Variants in PPP1R16B observed in about 807,000 individuals in gnomAD.
PPP1R16B encodes protein phosphatase 1 regulatory subunit 16B, also known as protein phosphatase 1 regulatory inhibitor subunit 16B.
In PPP1R16B, 14 loss-of-function variants were observed where a neutral mutation model predicts 61.7. That is an observed-to-expected ratio of 0.23 (90% confidence interval 0.15 to 0.35). PPP1R16B has a LOEUF of 0.35. Ranked by LOEUF, PPP1R16B falls within the 10% of genes least tolerant of loss-of-function variation. The probability of loss-of-function intolerance (pLI) is 1.00; values close to 1 mark genes in which losing one functional copy is unlikely to be tolerated. For missense variants in PPP1R16B, 547 were observed against 752.5 expected, an observed-to-expected ratio of 0.73 and a Z score of 3.19; for synonymous variants, 266 against 305.3, an observed-to-expected ratio of 0.87 and a Z score of 1.34.
chr20:38,851,251 G>A lies in PPP1R16B; in HGVS notation c.250+15076G>A, dbSNP rs971318930. Among the ~76,000 whole-genome samples the A allele has an allele frequency of 2.6e-5, 4 of 151,624 alleles. No homozygotes were observed. In the East Asian group the frequency reaches 7.8e-4, roughly 29 times the overall value. On this transcript the variant is annotated intron_variant, in intron 2 of 10. Coordinates refer to ENST00000299824, the MANE Select transcript of PPP1R16B (RefSeq NM_015568.4). ...AGGCCAAGGTGGGTGGATCACCAGA[G>A]GTCAGGAGTTCGAGACCAGCCTGGC...
At chr20:38,880,177 C>T (rs1470367529) in intron 2 of PPP1R16B, among the ~76,000 whole-genome samples, 2 of 152,100 alleles carry the variant, frequency 1.3e-5, no homozygotes, top group African/African-American at 2.4e-5. Context: ...ACTTTAGTGT[C>T]GTAAAGACAC....
intron 2 of PPP1R16B, among the ~76,000 whole-genome samples, chr20:38,868,417 C>T (rs1385907947): frequency 2.0e-5 from 3 of 151,544 alleles, no homozygotes; most frequent in Non-Finnish European, 4.4e-5. Flanking sequence ...CAGGGTCTCA[C>T]TCTGTCACCC....
At chr20:38,847,110 C>T (rs1185325666) in intron 2 of PPP1R16B, among the ~76,000 whole-genome samples, 1 of 152,110 alleles carries the variant, frequency 6.6e-6, no homozygotes, top group African/African-American at 2.4e-5. Context: ...CGATATAAAC[C>T]ACTCATTTGA....
In PPP1R16B at chr20:38,862,819, A is replaced by G. The variant is rs561625511; in HGVS notation, c.250+26644A>G. Among the ~76,000 whole-genome samples the G allele has an allele frequency of 1.9e-3, 287 of 152,296 alleles. 1 individual carries two copies. The highest frequency in any genetic ancestry group is 6.3e-3 in the African/African-American group (261 of 41,562). On this transcript the variant is annotated intron_variant, in intron 2 of 10. Transcript: ENST00000299824. ...TTCCCTGCTCTCCTGCCCACTCCAG[A>G]TTCCATCAGTTATGGCCTTTGGAGG...
At chr20:38,882,499 G>A (rs1237697578) in intron 2 of PPP1R16B, among the ~76,000 whole-genome samples, 1 of 152,144 alleles carries the variant, frequency 6.6e-6, no homozygotes, top group Non-Finnish European at 1.5e-5. Flanking sequence ...TACGGCCTCA[G>A]CCTCCCAAAG....
chr20:38,873,532 G>C (rs1486550634), intron 2 of PPP1R16B, among the ~76,000 whole-genome samples: 1 of 152,090 alleles, frequency 6.6e-6, no homozygotes, highest in Non-Finnish European at 1.5e-5. Context: ...TGGGCTCAGG[G>C]TCTCTCAGGA....
At chr20:38,869,235 T>C (rs2085110461) in intron 2 of PPP1R16B, among the ~76,000 whole-genome samples, 1 of 152,172 alleles carries the variant, frequency 6.6e-6, no homozygotes, top group African/African-American at 2.4e-5. Flanking sequence ...CTTGGCTCAC[T>C]GCAACCTCCA....
chr20:38,896,409 T>C (rs1034443529), intron 4 of PPP1R16B, among the ~76,000 whole-genome samples: 2 of 151,222 alleles, frequency 1.3e-5, no homozygotes, highest in African/African-American at 2.4e-5. Flanking sequence ...TCTTCATCTC[T>C]CTCTCTGCTT....
Position 38,921,380 on chromosome 20 carries a change from G to A in PPP1R16B, c.*2714G>A, listed in dbSNP as rs539164361. On this transcript the variant is annotated 3_prime_UTR_variant, in exon 11 of 11. Coordinates refer to ENST00000299824, the MANE Select transcript of PPP1R16B (RefSeq NM_015568.4). ...TACGTTAGGTTCTGCGGATAAAGGA[G>A]GAATAAGACAGAGTCAGGAGAACTG... is the stretch of plus-strand genomic sequence containing the variant. The A allele has an allele frequency of 1.3e-5, 2 of 152,380 alleles. No individual in the cohort carries two copies. Among genetic ancestry groups the A allele is most frequent in the East Asian group, 3.9e-4 (2 of 5,188 alleles). 9.4% of individuals were successfully genotyped at this position (152,380 alleles called of 1,614,324 possible).
intron 4 of PPP1R16B, among the ~76,000 whole-genome samples, chr20:38,896,242 C>T (rs1374749461): frequency 6.9e-6 from 1 of 144,382 alleles, no homozygotes; most frequent in Non-Finnish European, 1.5e-5. Flanking sequence ...ACCTGCCTCC[C>T]TCCCTCTCTC....
At chr20:38,887,593 A>G (rs933319693) in intron 2 of PPP1R16B, among the ~76,000 whole-genome samples, 3 of 152,374 alleles carry the variant, frequency 2.0e-5, no homozygotes, top group East Asian at 1.9e-4. Flanking sequence ...ACACTTTCCA[A>G]TATGGTAGCC....
intron 2 of PPP1R16B, among the ~76,000 whole-genome samples, chr20:38,848,148 T>C (rs2084946780): frequency 6.6e-6 from 1 of 152,222 alleles, no homozygotes; most frequent in Non-Finnish European, 1.5e-5. Context: ...AAATATTTAC[T>C]TTCTGGCCCT....
At chr20:38,905,920 A>G in intron 6 of PPP1R16B, 49 bp from the exon 7 acceptor site, 1 of 1,585,852 alleles carries the variant, frequency 6.3e-7, no homozygotes, top group Non-Finnish European at 8.6e-7. Flanking sequence ...CCTACCGTCA[A>G]TGTGGGGCTG....
intron 2 of PPP1R16B, among the ~76,000 whole-genome samples, chr20:38,850,954 C>G (rs1243786252): frequency 7.9e-6 from 1 of 126,802 alleles, no homozygotes; most frequent in Non-Finnish European, 1.6e-5. Context: ...GGCAATAGAA[C>G]AAGACTCCAT....
chr20:38,850,967 C>A (rs868665733), intron 2 of PPP1R16B, among the ~76,000 whole-genome samples: 51 of 136,664 alleles, frequency 3.7e-4, no homozygotes, highest in Admixed American at 4.4e-4. Context: ...GACTCCATCT[C>A]AAAAAAAAAA....
intron 3 of PPP1R16B, 86 bp from the exon 4 acceptor site, chr20:38,895,469 CCTCATGGCCT>C: frequency 7.2e-7 from 1 of 1,394,624 alleles, no homozygotes; most frequent in Non-Finnish European, 9.8e-7. Context: ...CCACAGTCTT[CCTCATGGCCT>C]CTTGCGGGGA....
At position 38,900,649 on chromosome 20, in the gene PPP1R16B, C is replaced by T. The variant is rs764616172; in HGVS notation, c.536C>T (p.Thr179Ile). The stretch of plus-strand genomic sequence containing the variant: ...TATGACCTCTGCGAGGATGAACCCA[C>T]CCTGGATGTCATCGAGACCTGCATG... ...MPYDLCEDEP[T>I]LDVIETCMAY... The change falls in exon 5 of 11, where the codon ACC (threonine) becomes ATC (isoleucine). Residue 179 changes from threonine to isoleucine, a missense_variant. Physicochemically the swap from Thr to Ile is moderately conservative, Grantham distance 89 (BLOSUM62 -1). Transcript: ENST00000299824. 1 of 1,592,990 alleles carries T rather than the reference C, an allele frequency of 6.3e-7. No homozygotes were observed. The highest frequency in any genetic ancestry group is 8.5e-7 in the Non-Finnish European group (1 of 1,171,688).
At chr20:38,817,785 T>C (rs1464770692) in intron 1 of PPP1R16B, among the ~76,000 whole-genome samples, 2 of 151,798 alleles carry the variant, frequency 1.3e-5, no homozygotes, top group East Asian at 3.9e-4. Context: ...TGGTTCATGC[T>C]TGTAATCCCA....
rs537117301 is a variant in PPP1R16B, at chr20:38,869,161, T to A, written c.251-20434T>A. ...ATAAAAAATTAGCCATTTTATTTTT[T>A]TTTATTTATTTATTTTTGAGACAGT... On this transcript the variant is annotated intron_variant, in intron 2 of 10. Transcript: ENST00000299824. 5.4e-3 allele frequency among the ~76,000 whole-genome samples: 824 copies of A among 151,828 alleles called. 11 individuals carry two copies. The highest frequency in any genetic ancestry group is 0.018 in the African/African-American group (726 of 41,376).
Sources: gnomAD v4.1 joint callset for allele counts (sites outside exome capture counted in the v4.1 genomes callset) on GRCh38, gnomAD v4.1.1 for gene constraint, MANE v1.5 for transcripts, NCBI Gene and HGNC (gene_info 2026-07-23, HGNC 2026-07-21) for gene names.